CFAP95: variants seen among roughly 807,000 people sequenced by gnomAD.
CFAP95 encodes cilia and flagella associated protein 95.
chr9:69,884,783 A>G, the CFAP95 span: 1 of 151,478 alleles, frequency 6.6e-6, no homozygotes, highest in Non-Finnish European at 1.5e-5. Context: ...TATGATTTTA[A>G]TTTGTTTTAT....
the CFAP95 span, among the ~76,000 whole-genome samples, chr9:69,877,970 T>C: frequency 9.2e-5 from 14 of 152,224 alleles, no homozygotes; most frequent in South Asian, 4.1e-4. Flanking sequence ...TAAAGTATGA[T>C]GGATTTTCCT....
chr9:69,889,911 C>T, the CFAP95 span, among the ~76,000 whole-genome samples: 7 of 152,026 alleles, frequency 4.6e-5, no homozygotes, highest in Non-Finnish European at 1.5e-5. Flanking sequence ...TTTATCCAAA[C>T]TACATAAAAA....
the CFAP95 span, among the ~76,000 whole-genome samples, chr9:69,886,142 T>C: frequency 6.6e-6 from 1 of 152,204 alleles, no homozygotes; most frequent in South Asian, 2.1e-4. Context: ...TGTTAGTCAC[T>C]GAGTAGCCTT....
At chr9:69,868,020 C>T in the CFAP95 span, among the ~76,000 whole-genome samples, 1 of 152,140 alleles carries the variant, frequency 6.6e-6, no homozygotes, top group African/African-American at 2.4e-5. Context: ...ATTGAAACAA[C>T]CTTCATATCT....
At chr9:69,876,437 G>A in the CFAP95 span, among the ~76,000 whole-genome samples, 2 of 152,042 alleles carry the variant, frequency 1.3e-5, no homozygotes, top group African/African-American at 4.8e-5. Context: ...GAAGGTTGAG[G>A]CAGGAGAATT....
chr9:69,854,987 A>G, the CFAP95 span, among the ~76,000 whole-genome samples: 6 of 152,126 alleles, frequency 3.9e-5, no homozygotes. Flanking sequence ...GTGTGCTTCA[A>G]TAGTGTTGAT....
chr9:69,860,001 G>A, the CFAP95 span, among the ~76,000 whole-genome samples: 1 of 152,208 alleles, frequency 6.6e-6, no homozygotes, highest in Non-Finnish European at 1.5e-5. Flanking sequence ...CTGCAAGACT[G>A]GAAGTTGCTC....
At chr9:69,897,676 G>GA in the CFAP95 span, among the ~76,000 whole-genome samples, 3 of 152,080 alleles carry the variant, frequency 2.0e-5, no homozygotes, top group Non-Finnish European at 4.4e-5. Context: ...TCATTTTACC[G>GA]AAAAAAGGTG....
chr9:69,845,904 G>T, the CFAP95 span, among the ~76,000 whole-genome samples: 6 of 152,240 alleles, frequency 3.9e-5, no homozygotes, highest in Non-Finnish European at 7.4e-5. Flanking sequence ...GCACCAGGCT[G>T]CCTCATGGGT....
chr9:69,895,205 T>A, the CFAP95 span, among the ~76,000 whole-genome samples: 2 of 152,170 alleles, frequency 1.3e-5, no homozygotes, highest in African/African-American at 4.8e-5. Flanking sequence ...TGAATCAGTT[T>A]ATAGCCTTAA....
chr9:69,821,097 C>A, the CFAP95 span: 2 of 1,565,642 alleles, frequency 1.3e-6, no homozygotes, highest in African/African-American at 1.4e-5. Flanking sequence ...AAGGATGGAA[C>A]AGGAAAGGAA....
At chr9:69,844,580 A>C in the CFAP95 span, 1 of 1,613,588 alleles carries the variant, frequency 6.2e-7, no homozygotes, top group Non-Finnish European at 8.5e-7. Context: ...AAGTTAAAAA[A>C]CTGTGTAATT....
At chr9:69,890,252 T>G in the CFAP95 span, among the ~76,000 whole-genome samples, 12 of 152,344 alleles carry the variant, frequency 7.9e-5, no homozygotes, top group African/African-American at 2.9e-4. Flanking sequence ...CATTAACCAT[T>G]GCATTATATA....
chr9:69,892,063 G>A, the CFAP95 span, among the ~76,000 whole-genome samples: 4 of 151,944 alleles, frequency 2.6e-5, no homozygotes, highest in Non-Finnish European at 4.4e-5. Context: ...AATGACATCC[G>A]CATTTTTTTA....
the CFAP95 span, among the ~76,000 whole-genome samples, chr9:69,826,980 T>C: frequency 1.3e-5 from 2 of 152,202 alleles, no homozygotes; most frequent in Non-Finnish European, 2.9e-5. Flanking sequence ...AGCCATGCTC[T>C]TGATGCAATA....
the CFAP95 span, among the ~76,000 whole-genome samples, chr9:69,822,624 T>C: frequency 3.3e-5 from 5 of 152,222 alleles, no homozygotes; most frequent in Non-Finnish European, 7.3e-5. Context: ...AGAGAAAGAC[T>C]TTTTGCAAAG....
chr9:69,865,380 C>A, the CFAP95 span, among the ~76,000 whole-genome samples: 1 of 152,118 alleles, frequency 6.6e-6, no homozygotes, highest in African/African-American at 2.4e-5. Context: ...TGATGAAAGG[C>A]CATGAGAGTG....
chr9:69,841,848 A>T, the CFAP95 span, among the ~76,000 whole-genome samples: 1 of 152,166 alleles, frequency 6.6e-6, no homozygotes, highest in Non-Finnish European at 1.5e-5. Context: ...CACTATCATG[A>T]GAACAGCATG....
the CFAP95 span, among the ~76,000 whole-genome samples, chr9:69,832,651 T>C: frequency 9.4e-6 from 1 of 106,158 alleles, no homozygotes; most frequent in East Asian, 3.2e-4. Flanking sequence ...TTTTTTGCCC[T>C]TAACAGTACC....
Sources: allele counts gnomAD v4.1 joint callset (sites outside exome capture counted in the v4.1 genomes callset), GRCh38; gene constraint gnomAD v4.1.1; transcripts MANE v1.5; gene names NCBI Gene and HGNC (gene_info 2026-07-23, HGNC 2026-07-21).